Variants in DPP6 observed in about 807,000 individuals in gnomAD.
DPP6 encodes A-type potassium channel modulatory protein DPP6.
In DPP6, 69 loss-of-function variants were observed where a neutral mutation model predicts 122.6. The ratio of observed to expected loss-of-function variants is 0.56; its 90% CI spans 0.46 to 0.69. The LOEUF is 0.69. Ranked by LOEUF, DPP6 falls within the 30% of genes least tolerant of loss-of-function variation. The probability of loss-of-function intolerance (pLI) is 0.00; values close to 1 mark genes in which losing one functional copy is unlikely to be tolerated. For missense variants in DPP6, 928 were observed against 1,116.9 expected (o/e 0.83, Z 2.41); for synonymous variants, 418 against 433.1 (o/e 0.97, Z 0.43).
intron 1 of DPP6, among the ~76,000 whole-genome samples, chr7:154,169,573 G>A (rs1797431320): frequency 6.6e-6 from 1 of 152,136 alleles, no homozygotes; most frequent in Admixed American, 6.5e-5. Context: ...TGATAATTGG[G>A]TGTGTTAAAT....
In DPP6 at chr7:154,519,184, A is replaced by G. The variant is rs75172843; in HGVS notation, c.458-21348A>G. Among the ~76,000 whole-genome samples the G allele has an allele frequency of 6.1e-3, 929 of 152,310 alleles. 12 individuals are homozygous for G. The highest frequency in any genetic ancestry group is 0.021 in the African/African-American group (866 of 41,564). On this transcript the variant is annotated intron_variant, in intron 3 of 25. Transcript: ENST00000377770. ...TCTTTATGGGTCAAAGTCAGAAGGG[A>G]AAGAGTCTCTAGTCAGAGCCAGAGT...
intron 1 of DPP6, among the ~76,000 whole-genome samples, chr7:154,176,392 G>C (rs1170383915): frequency 6.6e-6 from 1 of 152,214 alleles, no homozygotes; most frequent in East Asian, 1.9e-4. Context: ...TTTTTAAACA[G>C]CTGGTTGAGA....
intron 1 of DPP6, among the ~76,000 whole-genome samples, chr7:154,193,430 T>A (rs970329393): frequency 6.6e-6 from 1 of 152,138 alleles, no homozygotes; most frequent in Non-Finnish European, 1.5e-5. Context: ...AAAGAGTAAA[T>A]AGAGGGGCAC....
intron 1 of DPP6, among the ~76,000 whole-genome samples, chr7:153,957,838 A>G (rs1046468616): frequency 2.6e-5 from 4 of 152,194 alleles, no homozygotes; most frequent in Non-Finnish European, 5.9e-5. Context: ...GAGAGGACCT[A>G]TGACTCACTG....
rs1217546828 is a variant in DPP6 at position 154,755,437 on chromosome 7, A to T, written c.884-13980A>T. Reference sequence around the variant, plus strand: ...CAGTATTTCCCATGGGTTATCTCTCACTTACTAGCTGTGTGAGCTTCGGCA... The same window carrying T: ...CAGTATTTCCCATGGGTTATCTCTCTCTTACTAGCTGTGTGAGCTTCGGCA... On this transcript the variant is annotated intron_variant, in intron 8 of 25. Coordinates refer to ENST00000377770, the MANE Select transcript of DPP6 (RefSeq NM_130797.4). The surrounding 1 kb of genome is among the most constrained non-coding windows in gnomAD (Gnocchi z 4.7). Among the ~76,000 whole-genome samples, 1 of 151,916 alleles carries T rather than the reference A, an allele frequency of 6.6e-6. No individual in the cohort carries two copies. Among genetic ancestry groups the T allele is most frequent in the African/African-American group, 2.4e-5 (1 of 41,290 alleles).
At chr7:154,776,199 T>TAGATA (rs1554463870) in intron 10 of DPP6, among the ~76,000 whole-genome samples, 2 of 148,442 alleles carry the variant, frequency 1.3e-5, no homozygotes, top group Non-Finnish European at 3.0e-5. Context: ...CCATGATAGA[T>TAGATA]GATAGATAGA....
chr7:154,141,116 G>A (rs1371775066), intron 1 of DPP6, among the ~76,000 whole-genome samples: 1 of 152,192 alleles, frequency 6.6e-6, no homozygotes, highest in African/African-American at 2.4e-5. Flanking sequence ...CCAGAGATAA[G>A]CTCTCACGTT....
At chr7:154,455,177 C>A (rs1820720435) in intron 2 of DPP6, among the ~76,000 whole-genome samples, 1 of 152,220 alleles carries the variant, frequency 6.6e-6, no homozygotes, top group African/African-American at 2.4e-5. Flanking sequence ...GTGCATCTCA[C>A]TTCCTCTGTC....
At chr7:154,444,695 C>A (rs1819705384) in intron 1 of DPP6, among the ~76,000 whole-genome samples, 2 of 152,180 alleles carry the variant, frequency 1.3e-5, no homozygotes, top group South Asian at 4.1e-4. Flanking sequence ...TCCTGCTAGT[C>A]ACAGACTTGA....
the DPP6 span, among the ~76,000 whole-genome samples, chr7:153,848,293 G>A: frequency 5.5e-4 from 20 of 36,686 alleles, 1 homozygote; most frequent in Admixed American, 6.2e-3. Flanking sequence ...CCCGCTCCCC[G>A]AGAGAGCAGT....
At chr7:153,770,135 C>A in the DPP6 span, among the ~76,000 whole-genome samples, 2 of 152,042 alleles carry the variant, frequency 1.3e-5, no homozygotes, top group Non-Finnish European at 2.9e-5. Context: ...TCTACTGCCC[C>A]GTGTCCATGA....
chr7:154,071,593 G>A (rs1803122749), intron 1 of DPP6, among the ~76,000 whole-genome samples: 1 of 151,420 alleles, frequency 6.6e-6, no homozygotes, highest in Non-Finnish European at 1.5e-5. Context: ...TAAGCCAGTT[G>A]TACCCATGAC....
chr7:154,380,183 T>C (rs1472195050), intron 1 of DPP6, among the ~76,000 whole-genome samples: 1 of 152,172 alleles, frequency 6.6e-6, no homozygotes, highest in East Asian at 1.9e-4. Flanking sequence ...GGAATTTGAA[T>C]TGGGGCTGAA....
At chr7:154,832,627 C>T (rs1371038403) in intron 16 of DPP6, among the ~76,000 whole-genome samples, 3 of 152,190 alleles carry the variant, frequency 2.0e-5, no homozygotes, top group East Asian at 1.9e-4. Context: ...CTCCCACATC[C>T]GCACACCCCA....
chr7:154,203,546 C>A (rs1345695806), intron 1 of DPP6, among the ~76,000 whole-genome samples: 1 of 152,170 alleles, frequency 6.6e-6, no homozygotes, highest in African/African-American at 2.4e-5. Context: ...AGTCAAAGAC[C>A]ACAGCAGAGA....
chr7:154,760,416 C>G lies in DPP6; in HGVS notation c.884-9001C>G, dbSNP rs559327552. Among the ~76,000 whole-genome samples, 18 of 152,022 alleles carry G rather than the reference C, an allele frequency of 1.2e-4. No individual in the cohort carries two copies. The highest frequency in any genetic ancestry group is 2.4e-4 in the Non-Finnish European group (16 of 67,994). ...TTCTGCACAGACCCCAGTTGACCAA[C>G]TTGGTTCTGACAGACTTCAGCCAGT... On this transcript the variant is annotated intron_variant, in intron 8 of 25. Coordinates refer to ENST00000377770, the MANE Select transcript of DPP6 (RefSeq NM_130797.4). The surrounding 1 kb of genome is among the most constrained non-coding windows in gnomAD (Gnocchi z 4.5).
intron 1 of DPP6, among the ~76,000 whole-genome samples, chr7:154,234,625 C>G (rs75418840): frequency 1.3e-5 from 2 of 152,124 alleles, no homozygotes; most frequent in Non-Finnish European, 2.9e-5. Flanking sequence ...AACACACACA[C>G]AGACACACAC....
At chr7:153,962,967 T>C (rs1321299325) in intron 1 of DPP6, among the ~76,000 whole-genome samples, 1 of 152,176 alleles carries the variant, frequency 6.6e-6, no homozygotes, top group Non-Finnish European at 1.5e-5. Flanking sequence ...CCAATGTGTT[T>C]TCTATTTTGG....
intron 6 of DPP6, among the ~76,000 whole-genome samples, chr7:154,656,535 C>G (rs1248927980): frequency 6.6e-6 from 1 of 152,132 alleles, no homozygotes; most frequent in African/African-American, 2.4e-5. Context: ...TCGATGGACA[C>G]AGAAGATCTT....
Sources: allele counts gnomAD v4.1 joint callset (sites outside exome capture counted in the v4.1 genomes callset), GRCh38; gene constraint gnomAD v4.1.1; non-coding constraint Gnocchi (gnomAD v3.1); transcripts MANE v1.5; gene names NCBI Gene and HGNC (gene_info 2026-07-23, HGNC 2026-07-21).